Variants in LRMDA observed in about 807,000 individuals in gnomAD.
LRMDA encodes the protein leucine-rich melanocyte differentiation-associated protein.
In LRMDA, 18 loss-of-function variants were observed where a neutral mutation model predicts 29.8. The observed-to-expected ratio is 0.60, with a 90% confidence interval of 0.42 to 0.90. LRMDA has a LOEUF of 0.90. LRMDA is among the 40% of genes least tolerant of loss of function. The probability of loss-of-function intolerance (pLI) is 0.00; values close to 1 mark genes in which losing one functional copy is unlikely to be tolerated. For missense variants in LRMDA, 273 were observed against 273.9 expected, an observed-to-expected ratio of 1.00 and a Z score of 0.02; for synonymous variants, 125 against 109.4, an observed-to-expected ratio of 1.14 and a Z score of -0.89.
chr10:75,598,676 C>T lies in LRMDA; in HGVS notation c.131+160182C>T, dbSNP rs143357210. The stretch of plus-strand genomic sequence containing the variant: ...AGATCGTCTTTGCTTGCCTCGCGTA[C>T]GACTCCTGCGAGGCTTCATATGTAA... On this transcript the variant is annotated intron_variant, in intron 2 of 6. Coordinates refer to ENST00000611255, the MANE Select transcript of LRMDA (RefSeq NM_001305581.2). 3.9e-5 allele frequency among the ~76,000 whole-genome samples: 6 copies of T among 152,288 alleles called. No individual in the cohort carries two copies. In the East Asian group the frequency reaches 5.8e-4, roughly 15 times the overall value.
At chr10:76,273,697 G>A (rs1481770213) in intron 5 of LRMDA, among the ~76,000 whole-genome samples, 1 of 152,144 alleles carries the variant, frequency 6.6e-6, no homozygotes. Flanking sequence ...ATAGGGTTGA[G>A]GTGACATGTA....
intron 6 of LRMDA, among the ~76,000 whole-genome samples, chr10:76,384,051 A>G (rs1033975457): frequency 4.6e-5 from 7 of 151,958 alleles, no homozygotes; most frequent in African/African-American, 7.3e-5. Flanking sequence ...ATGAAATAGT[A>G]AACTCCCAAA....
intron 2 of LRMDA, among the ~76,000 whole-genome samples, chr10:75,976,890 G>T (rs1166408885): frequency 1.3e-5 from 2 of 152,108 alleles, no homozygotes; most frequent in African/African-American, 4.8e-5. Flanking sequence ...ACCCTTGTTG[G>T]GTGAATTAAT....
At chr10:75,676,476 A>G (rs1285362323) in intron 2 of LRMDA, among the ~76,000 whole-genome samples, 1 of 152,162 alleles carries the variant, frequency 6.6e-6, no homozygotes, top group Non-Finnish European at 1.5e-5. Flanking sequence ...TTTACCCTGA[A>G]CTGTTTCTGT....
At chr10:76,138,483 T>A (rs1400445394) in intron 5 of LRMDA, among the ~76,000 whole-genome samples, 3 of 152,178 alleles carry the variant, frequency 2.0e-5, no homozygotes, top group Non-Finnish European at 4.4e-5. Flanking sequence ...CAGGCATTCC[T>A]CAATTATAGT....
chr10:75,618,775 CTCT>C (rs965775384), intron 2 of LRMDA, among the ~76,000 whole-genome samples: 2 of 75,494 alleles, frequency 2.6e-5, no homozygotes, highest in African/African-American at 5.4e-5. Flanking sequence ...AAATTATTTA[CTCT>C]TTTTTTTTTT....
rs151109175 is a variant in LRMDA at position 75,929,295 on chromosome 10, A to ATGTGTG, written c.132-106699_132-106694dup. ...ATACAAGCATTTAAATGCATGATCT[A>ATGTGTG]TGTGTGTGTGTGTGTGTGTAAATGA... On this transcript the variant is annotated intron_variant, in intron 2 of 6. Transcript: ENST00000611255. Among the ~76,000 whole-genome samples, 1,460 of 151,114 alleles carry ATGTGTG rather than the reference A, an allele frequency of 9.7e-3. 29 individuals carry two copies. Among genetic ancestry groups the ATGTGTG allele is most frequent in the African/African-American group, 0.034 (1,391 of 41,270 alleles).
chr10:76,095,769 A>G (rs1299350400), intron 5 of LRMDA, among the ~76,000 whole-genome samples: 1 of 152,204 alleles, frequency 6.6e-6, no homozygotes, highest in African/African-American at 2.4e-5. Flanking sequence ...CTTAATGACT[A>G]ATGATGTTGG....
At chr10:76,299,731 C>G (rs1840457332) in intron 5 of LRMDA, among the ~76,000 whole-genome samples, 1 of 151,818 alleles carries the variant, frequency 6.6e-6, no homozygotes, top group Non-Finnish European at 1.5e-5. Flanking sequence ...GAGGAATCTT[C>G]GCAATCTGCT....
At chr10:75,860,177 A>C (rs764216528) in intron 2 of LRMDA, among the ~76,000 whole-genome samples, 2 of 152,138 alleles carry the variant, frequency 1.3e-5, no homozygotes, top group Non-Finnish European at 2.9e-5. Flanking sequence ...AGAGGAGCCC[A>C]AGAGGTCGCC....
intron 2 of LRMDA, among the ~76,000 whole-genome samples, chr10:75,740,812 T>C (rs1842819600): frequency 6.6e-6 from 1 of 152,154 alleles, no homozygotes; most frequent in Non-Finnish European, 1.5e-5. Flanking sequence ...AAATGACTCA[T>C]GAATAGCACT....
intron 2 of LRMDA, among the ~76,000 whole-genome samples, chr10:75,620,593 C>T (rs964512123): frequency 6.6e-6 from 1 of 152,180 alleles, no homozygotes; most frequent in Non-Finnish European, 1.5e-5. Flanking sequence ...GTCTTGCTCA[C>T]TTTGAATGGA....
chr10:76,479,565 T>C (rs1179697893), intron 6 of LRMDA, among the ~76,000 whole-genome samples: 1 of 151,896 alleles, frequency 6.6e-6, no homozygotes, highest in East Asian at 1.9e-4. Context: ...AGGGCAGCCC[T>C]GTGCAGTGAA....
At chr10:75,873,231 A>G (rs1331507720) in intron 2 of LRMDA, among the ~76,000 whole-genome samples, 4 of 152,238 alleles carry the variant, frequency 2.6e-5, no homozygotes, top group Non-Finnish European at 5.9e-5. Flanking sequence ...AAATATTTAA[A>G]TAGTATAATC....
At chr10:76,014,584 C>T (rs1847851724) in intron 2 of LRMDA, among the ~76,000 whole-genome samples, 1 of 152,148 alleles carries the variant, frequency 6.6e-6, no homozygotes, top group African/African-American at 2.4e-5. Flanking sequence ...TTGACACCAT[C>T]AGAAACATAA....
chr10:76,424,188 G>T (rs1224680401), intron 6 of LRMDA, among the ~76,000 whole-genome samples: 1 of 152,172 alleles, frequency 6.6e-6, no homozygotes, highest in Admixed American at 6.5e-5. Flanking sequence ...TCATATTTGA[G>T]AGTCTGATCT....
intron 5 of LRMDA, among the ~76,000 whole-genome samples, chr10:76,299,465 C>G (rs541594191): frequency 1.3e-5 from 2 of 152,182 alleles, no homozygotes; most frequent in South Asian, 4.1e-4. Context: ...TACCTGGACC[C>G]AGAAGTTCAT....
At chr10:75,456,281 T>C (rs909891027) in intron 2 of LRMDA, among the ~76,000 whole-genome samples, 1 of 152,242 alleles carries the variant, frequency 6.6e-6, no homozygotes, top group African/African-American at 2.4e-5. Context: ...AATGCAGTTC[T>C]TCCAAGACTC....
At chr10:76,435,992 T>C (rs537360829) in intron 6 of LRMDA, among the ~76,000 whole-genome samples, 1 of 152,346 alleles carries the variant, frequency 6.6e-6, no homozygotes, top group African/African-American at 2.4e-5. Flanking sequence ...ATATTGGTTA[T>C]TTCCCCAGTT....
Sources: gnomAD v4.1 joint callset for allele counts (sites outside exome capture counted in the v4.1 genomes callset) on GRCh38, gnomAD v4.1.1 for gene constraint, MANE v1.5 for transcripts, NCBI Gene and HGNC (gene_info 2026-07-23, HGNC 2026-07-21) for gene names.